Variants in EBF3 observed in about 807,000 individuals in gnomAD.
EBF3 encodes transcription factor COE3.
EBF3 carries 18 observed loss-of-function variants against 77.1 expected under a neutral mutation model. The observed-to-expected ratio is 0.23, with a 90% CI of 0.16 to 0.35. EBF3 has a LOEUF of 0.35. Among genes scored for constraint, EBF3 ranks in the 10% least tolerant of loss-of-function variants. The pLI, the probability that EBF3 is intolerant of heterozygous loss-of-function variation, is 1.00. For synonymous variants in EBF3, 350 were observed against 343.5 expected (o/e 1.02, Z -0.21); for missense variants, 558 against 860.0 (o/e 0.65, Z 4.39).
At chr10:129,877,928 C>T in intron 6 of EBF3, 79 bp from the exon 7 acceptor site, 3 of 1,163,058 alleles carry the variant, frequency 2.6e-6, no homozygotes, top group Non-Finnish European at 3.7e-6. Context: ...CACTCTTGCG[C>T]AGGGAGGAGT....
rs553943861 is a variant in EBF3 at position 129,935,985 on chromosome 10, C to T, written c.554+21273G>A. ...GGGGGGCTTCCTGAAGCTGCCCCCC[C>T]CGCCCAACAATGCAGCTGGTGCCCA... On this transcript the variant is annotated intron_variant, in intron 6 of 16. Coordinates refer to ENST00000440978, the MANE Select transcript of EBF3 (RefSeq NM_001375380.1). This position sits in a 1 kb window ranked among gnomAD's most constrained non-coding sequence, Gnocchi z 4.2. 6.6e-6 allele frequency among the ~76,000 whole-genome samples: 1 copy of T among 152,028 alleles called. No individual in the cohort carries two copies. The highest frequency in any genetic ancestry group is 2.1e-4 in the South Asian group (1 of 4,836).
Position 129,963,064 on chromosome 10 carries a change from G to A in EBF3, c.292-59C>T, listed in dbSNP as rs1859650609. ...GATCGGTGTCAGGCGCGGCCACCAC[G>A]CTCGGTCCCCCTCCGCGACCGAGGC... is the stretch of plus-strand genomic sequence containing the variant. On this transcript the variant is annotated intron_variant, in intron 2 of 16. Transcript: ENST00000440978. The surrounding 1 kb of genome is among the most constrained non-coding windows in gnomAD (Gnocchi z 7.1). 6.3e-6 allele frequency: 10 copies of A among 1,599,164 alleles called. No individual in the cohort carries two copies. Among genetic ancestry groups the A allele is most frequent in the South Asian group, 1.1e-5 (1 of 90,748 alleles).
rs572843574 is a variant in EBF3, at chr10:129,958,505, A to G, written c.485+429T>C. 5.9e-5 allele frequency among the ~76,000 whole-genome samples: 9 copies of G among 152,272 alleles called. No individual in the cohort carries two copies. In the South Asian group the frequency reaches 8.3e-4, roughly 14 times the overall value. On this transcript the variant is annotated intron_variant, in intron 5 of 16. Transcript: ENST00000440978. ...GGTTAACTGACAGAATCACAATCCA[A>G]TTCTCACATACACGCGCGCTATAGT...
chr10:129,839,391 G>A, intron 15 of EBF3, among the ~76,000 whole-genome samples, 196 bp from the exon 16 acceptor site: 1 of 152,202 alleles, frequency 6.6e-6, no homozygotes, highest in Admixed American at 6.5e-5. Context: ...TGAGGCCTGG[G>A]GGCACCCATG....
chr10:129,936,681 GT>G (rs1374944754), intron 6 of EBF3, among the ~76,000 whole-genome samples: 3 of 150,920 alleles, frequency 2.0e-5, no homozygotes, highest in Non-Finnish European at 4.4e-5. Flanking sequence ...TGCAGCCTGT[GT>G]GGGGAACTAG....
intron 6 of EBF3, among the ~76,000 whole-genome samples, chr10:129,946,826 T>C (rs1564916306): frequency 1.3e-5 from 2 of 152,244 alleles, no homozygotes; most frequent in Non-Finnish European, 2.9e-5. Flanking sequence ...ATTTATTTGT[T>C]CAAGGTAATG....
At chr10:129,890,472 C>T (rs188138326) in intron 6 of EBF3, among the ~76,000 whole-genome samples, 37 of 152,366 alleles carry the variant, frequency 2.4e-4, no homozygotes, top group African/African-American at 7.9e-4. Context: ...TAAGGTGTGA[C>T]GTGCACAGCG....
At chr10:129,888,535 T>C (rs1853779501) in intron 6 of EBF3, among the ~76,000 whole-genome samples, 2 of 152,180 alleles carry the variant, frequency 1.3e-5, no homozygotes, top group Admixed American at 6.5e-5. Context: ...ATACCTGCGC[T>C]TTTGTGGAGG....
chr10:129,837,682 CTGAGAAATGTGAAAATA>C lies in EBF3; in HGVS notation c.*244_*260del. Reference sequence around the variant, plus strand: ...GCTTTGTTTTCCTTATTCTTCAGGACTGAGAAATGTGAAAATATGAGAAAAGTTCAGTCAATAAAATG... The same window carrying C: ...GCTTTGTTTTCCTTATTCTTCAGGACTGAGAAAAGTTCAGTCAATAAAATG... On this transcript the variant is annotated 3_prime_UTR_variant, in exon 17 of 17. Transcript: ENST00000440978. 1.9e-6 allele frequency: 1 copy of C among 526,246 alleles called. No homozygotes were observed. Among genetic ancestry groups the C allele is most frequent in the Non-Finnish European group, 3.4e-6 (1 of 298,242 alleles). 32.6% of individuals were successfully genotyped at this position (526,246 alleles called of 1,614,324 possible).
At chr10:129,959,356 C>T (rs1254989646) in intron 4 of EBF3, among the ~76,000 whole-genome samples, 1 of 151,994 alleles carries the variant, frequency 6.6e-6, no homozygotes, top group Non-Finnish European at 1.5e-5. Flanking sequence ...GCACCGACCC[C>T]GGAACCCGGG....
intron 4 of EBF3, 95 bp downstream of exon 4, chr10:129,962,076 T>C (rs1442414264): frequency 1.4e-5 from 16 of 1,174,340 alleles, no homozygotes; most frequent in Non-Finnish European, 1.9e-5. Context: ...GGAAAACAAA[T>C]ACACGAGATC....
chr10:129,954,745 C>T (rs539197566), intron 6 of EBF3, among the ~76,000 whole-genome samples: 18 of 152,246 alleles, frequency 1.2e-4, no homozygotes, highest in African/African-American at 4.1e-4. Context: ...CACAAGGAGC[C>T]GGCAAAGCAC....
intron 6 of EBF3, among the ~76,000 whole-genome samples, chr10:129,956,374 C>G (rs192739784): frequency 6.6e-6 from 1 of 152,178 alleles, no homozygotes; most frequent in Non-Finnish European, 1.5e-5. Flanking sequence ...ATTTGGGTAC[C>G]AATTTCAAAA....
At position 129,864,821 on chromosome 10, in the gene EBF3, T is replaced by C. The variant is rs80285363; in HGVS notation, c.1039+2320A>G. Among the ~76,000 whole-genome samples the C allele has an allele frequency of 2.1e-3, 325 of 152,280 alleles. No homozygotes were observed. Among genetic ancestry groups the C allele is most frequent in the African/African-American group, 7.2e-3 (300 of 41,554 alleles). Reference sequence around the variant, plus strand: ...CTCACAAGCAATAATCAACACCCGCTTTCCTAAGGAGCTCAGGACTCGAGC... The same window carrying C: ...CTCACAAGCAATAATCAACACCCGCCTTCCTAAGGAGCTCAGGACTCGAGC... On this transcript the variant is annotated intron_variant, in intron 10 of 16. Coordinates refer to ENST00000440978, the MANE Select transcript of EBF3 (RefSeq NM_001375380.1). This position sits in a 1 kb window ranked among gnomAD's most constrained non-coding sequence, Gnocchi z 4.4.
intron 6 of EBF3, among the ~76,000 whole-genome samples, chr10:129,939,474 T>C (rs1034340063): frequency 6.6e-6 from 1 of 152,268 alleles, no homozygotes; most frequent in African/African-American, 2.4e-5. Context: ...GGCAATGTTC[T>C]GACTATGCAG....
intron 6 of EBF3, among the ~76,000 whole-genome samples, chr10:129,878,261 G>A (rs1852933443): frequency 6.6e-6 from 1 of 152,126 alleles, no homozygotes; most frequent in Admixed American, 6.5e-5. Context: ...ATGTCCCAAA[G>A]CATACTCCTC....
intron 6 of EBF3, among the ~76,000 whole-genome samples, chr10:129,902,325 A>G (rs937604843): frequency 6.6e-6 from 1 of 151,690 alleles, no homozygotes; most frequent in Non-Finnish European, 1.5e-5. Context: ...AAGGAAACCA[A>G]TGGACCCCAT....
chr10:129,881,364 AG>A (rs1289211052), intron 6 of EBF3, among the ~76,000 whole-genome samples: 1 of 152,176 alleles, frequency 6.6e-6, no homozygotes, highest in Non-Finnish European at 1.5e-5. Flanking sequence ...ATTTCCCTAA[AG>A]AGTCATCATC....
chr10:129,939,440 C>T lies in EBF3; in HGVS notation c.554+17818G>A, dbSNP rs762675698. On this transcript the variant is annotated intron_variant, in intron 6 of 16. Coordinates refer to ENST00000440978, the MANE Select transcript of EBF3 (RefSeq NM_001375380.1). ...CATTAAAAGTTCCCACTGCCATCAG[C>T]TGAAACACGTGACCGTTCCTCTGGG... Among the ~76,000 whole-genome samples the T allele has an allele frequency of 3.9e-5, 6 of 152,254 alleles. No homozygotes were observed. The South Asian group carries it at 8.3e-4, about 21-fold the overall frequency.
Sources: gnomAD v4.1 joint callset for allele counts (sites outside exome capture counted in the v4.1 genomes callset) on GRCh38, gnomAD v4.1.1 for gene constraint, Gnocchi (gnomAD v3.1) non-coding constraint, MANE v1.5 for transcripts, NCBI Gene and HGNC (gene_info 2026-07-23, HGNC 2026-07-21) for gene names.